Variants in FAT3 observed in about 807,000 individuals in gnomAD.
FAT3 encodes the protein protocadherin Fat 3.
A neutral mutation model predicts 310.2 loss-of-function variants in FAT3; 95 were observed. The ratio of observed to expected loss-of-function variants is 0.31; its 90% CI spans 0.26 to 0.36. FAT3 has a LOEUF of 0.36. FAT3 is among the 10% of genes least tolerant of loss of function. The pLI is 1.00. For missense variants in FAT3, 5,408 were observed against 5,715.6 expected (o/e 0.95, Z 1.74); for synonymous variants, 2,314 against 2,192.9 (o/e 1.06, Z -1.54).
At chr11:92,485,605 G>A (rs1222309656) in intron 2 of FAT3, among the ~76,000 whole-genome samples, 1 of 152,068 alleles carries the variant, frequency 6.6e-6, no homozygotes, top group East Asian at 1.9e-4. Flanking sequence ...AATTCTATGG[G>A]GATGTATACA....
intron 1 of FAT3, among the ~76,000 whole-genome samples, chr11:92,247,924 C>A (rs1378401451): frequency 6.6e-6 from 1 of 151,926 alleles, no homozygotes; most frequent in African/African-American, 2.4e-5. Context: ...TGCTGTGCTC[C>A]TACCTGTGAA....
At chr11:92,676,183 A>AAACTATTCC (rs1272351819) in intron 3 of FAT3, among the ~76,000 whole-genome samples, 1 of 152,214 alleles carries the variant, frequency 6.6e-6, no homozygotes, top group Non-Finnish European at 1.5e-5. Flanking sequence ...ACCAAAATGA[A>AAACTATTCC]AACTATTCCA....
intron 26 of FAT3, 93 bp from the exon 27 acceptor site, chr11:92,889,763 G>A (rs1949875077): frequency 1.4e-6 from 1 of 708,702 alleles, no homozygotes. Context: ...GCCTTTAGGA[G>A]TATGTTTTTA....
intron 4 of FAT3, among the ~76,000 whole-genome samples, chr11:92,744,844 A>C (rs1945611985): frequency 6.6e-6 from 1 of 152,240 alleles, no homozygotes; most frequent in Non-Finnish European, 1.5e-5. Context: ...TATTTTATAC[A>C]TACACATAAG....
At chr11:92,333,836 G>A (rs370481979) in intron 1 of FAT3, among the ~76,000 whole-genome samples, 44 of 151,842 alleles carry the variant, frequency 2.9e-4, no homozygotes, top group African/African-American at 1.0e-3. Context: ...GAGCTACAAA[G>A]CATTTATACT....
intron 1 of FAT3, among the ~76,000 whole-genome samples, chr11:92,339,240 G>A (rs1274511805): frequency 6.6e-6 from 1 of 152,140 alleles, no homozygotes; most frequent in Non-Finnish European, 1.5e-5. Context: ...CCCACTAGAT[G>A]CCTGCAGCAT....
chr11:92,524,132 A>G (rs1453954071), intron 2 of FAT3, among the ~76,000 whole-genome samples: 1 of 152,180 alleles, frequency 6.6e-6, no homozygotes, highest in Non-Finnish European at 1.5e-5. Context: ...TCTAACAGGC[A>G]AAAAAAGAAT....
At chr11:92,840,781 C>T in intron 18 of FAT3, 22 bp downstream of exon 18, 1 of 1,513,048 alleles carries the variant, frequency 6.6e-7, no homozygotes, top group Non-Finnish European at 9.0e-7. Flanking sequence ...CACTCTGTCT[C>T]CGTCGTGCTG....
intron 1 of FAT3, among the ~76,000 whole-genome samples, chr11:92,253,192 C>A (rs1865196574): frequency 6.6e-6 from 1 of 151,948 alleles, no homozygotes; most frequent in South Asian, 2.1e-4. Flanking sequence ...CTGGGAGGCC[C>A]TAGGCAGGAC....
rs1949923215 is a variant in FAT3 at position 92,891,846 on chromosome 11, T to A, written c.*733T>A. On this transcript the variant is annotated 3_prime_UTR_variant, in exon 28 of 28. Coordinates refer to ENST00000525166, the MANE Select transcript of FAT3 (RefSeq NM_001367949.2). The stretch of plus-strand genomic sequence containing the variant: ...GGTGGGTGGGGGAGGAAGTTAAAGT[T>A]GTTTGAACATTAGAAAGAATGTGAT... 6.6e-6 allele frequency: 1 copy of A among 152,308 alleles called. No individual in the cohort carries two copies. The highest frequency in any genetic ancestry group is 6.5e-5 in the Admixed American group (1 of 15,296). The allele number at this position is 152,308 out of a possible 1,614,324, so 9.4% of individuals were successfully genotyped here.
At chr11:92,419,330 T>G (rs928980459) in intron 2 of FAT3, among the ~76,000 whole-genome samples, 3 of 152,204 alleles carry the variant, frequency 2.0e-5, no homozygotes, top group Non-Finnish European at 4.4e-5. Flanking sequence ...TAAATGTGGT[T>G]TAAAGGACTT....
At chr11:92,270,591 C>T (rs113941127) in intron 1 of FAT3, among the ~76,000 whole-genome samples, 7 of 151,990 alleles carry the variant, frequency 4.6e-5, no homozygotes, top group African/African-American at 1.4e-4. Flanking sequence ...GAGGCTGAGA[C>T]AGGAGAATCA....
intron 1 of FAT3, among the ~76,000 whole-genome samples, chr11:92,259,945 G>C (rs900691273): frequency 2.0e-5 from 3 of 152,114 alleles, no homozygotes; most frequent in African/African-American, 7.2e-5. Flanking sequence ...AGATGGAACT[G>C]AGTTTGCCCT....
rs79176053 is a variant in FAT3, at chr11:92,853,153, C to T, written c.11366-4061C>T. ...GTAGTGAGGGGTGTGTGGGCCACTG[C>T]GCACAGCCAGGCATGCTGGCACATG... On this transcript the variant is annotated intron_variant, in intron 19 of 27. Transcript: ENST00000525166. 8.5e-3 allele frequency among the ~76,000 whole-genome samples: 1,291 copies of T among 152,332 alleles called. 20 individuals carry two copies. The highest frequency in any genetic ancestry group is 0.029 in the African/African-American group (1,214 of 41,582).
chr11:92,751,066 A>G (rs914622384), intron 4 of FAT3, among the ~76,000 whole-genome samples: 6 of 152,226 alleles, frequency 3.9e-5, no homozygotes, highest in African/African-American at 1.4e-4. Context: ...ATCCCTGCAC[A>G]GGACATGCTG....
intron 3 of FAT3, among the ~76,000 whole-genome samples, chr11:92,652,297 T>C (rs1334676081): frequency 4.6e-5 from 7 of 152,176 alleles, no homozygotes. Flanking sequence ...TCCATTCTCA[T>C]TGAAACCACA....
intron 2 of FAT3, among the ~76,000 whole-genome samples, chr11:92,509,177 T>C (rs1201239882): frequency 1.3e-5 from 2 of 152,194 alleles, no homozygotes; most frequent in East Asian, 1.9e-4. Flanking sequence ...TAAATGATAG[T>C]ATTTTTAATT....
At chr11:92,325,426 T>C (rs1377808121) in intron 1 of FAT3, among the ~76,000 whole-genome samples, 1 of 152,162 alleles carries the variant, frequency 6.6e-6, no homozygotes, top group East Asian at 1.9e-4. Flanking sequence ...GTTGTTGTTG[T>C]TTGTTTTTTG....
chr11:92,472,113 G>A lies in FAT3; in HGVS notation c.3293-52521G>A, dbSNP rs557884130. 5.9e-5 allele frequency among the ~76,000 whole-genome samples: 9 copies of A among 152,088 alleles called. No individual in the cohort carries two copies. The East Asian group carries it at 1.7e-3, about 29-fold the overall frequency. On this transcript the variant is annotated intron_variant, in intron 2 of 27. Coordinates refer to ENST00000525166, the MANE Select transcript of FAT3 (RefSeq NM_001367949.2). ...TAACAGTGAGAAATATAGTGACACT[G>A]TGTGGAGCAGCTTTACAAGAGTTTC...
Sources: gnomAD v4.1 joint callset for allele counts (sites outside exome capture counted in the v4.1 genomes callset) on GRCh38, gnomAD v4.1.1 for gene constraint, MANE v1.5 for transcripts, NCBI Gene and HGNC (gene_info 2026-07-23, HGNC 2026-07-21) for gene names.